Variants in NRG3 observed in about 807,000 individuals in gnomAD.
NRG3 encodes pro-neuregulin-3, membrane-bound isoform.
A neutral mutation model predicts 66.9 loss-of-function variants in NRG3; 31 were observed. That is an observed-to-expected ratio of 0.46 (90% CI 0.35 to 0.63). The LOEUF (loss-of-function observed/expected upper bound fraction) is 0.63, where lower values mean the gene tolerates loss of function less well. Ranked by LOEUF, NRG3 falls within the 20% of genes least tolerant of loss-of-function variation. NRG3 has a pLI of 0.00. For synonymous variants in NRG3, 393 were observed against 359.4 expected, an observed-to-expected ratio of 1.09 and a Z score of -1.06; for missense variants, 910 against 878.9, an observed-to-expected ratio of 1.04 and a Z score of -0.45.
chr10:82,694,031 G>C lies in NRG3; in HGVS notation c.954-44546G>C, dbSNP rs1002935607. On this transcript the variant is annotated intron_variant, in intron 2 of 8. Transcript: ENST00000372141. Reference sequence around the variant, plus strand: ...TGATTAGTCCATTTTACAGAGTGCTGATTGGTGCATTTTTACAGAGTGCTG... The same window carrying C: ...TGATTAGTCCATTTTACAGAGTGCTCATTGGTGCATTTTTACAGAGTGCTG... Among the ~76,000 whole-genome samples the C allele has an allele frequency of 5.9e-5, 9 of 152,184 alleles. No homozygotes were observed. The East Asian group carries it at 1.5e-3, about 26-fold the overall frequency.
At chr10:82,528,268 G>A (rs1051094390) in intron 2 of NRG3, among the ~76,000 whole-genome samples, 61 of 152,110 alleles carry the variant, frequency 4.0e-4, no homozygotes, top group Non-Finnish European at 3.4e-4. Flanking sequence ...TAAATATATA[G>A]AGGTACGCTA....
chr10:82,577,614 A>T (rs1414033186), intron 2 of NRG3, among the ~76,000 whole-genome samples: 2 of 151,734 alleles, frequency 1.3e-5, no homozygotes, highest in Non-Finnish European at 3.0e-5. Context: ...GTTTTGTTGC[A>T]CTAGCTTAAA....
chr10:82,398,224 A>G (rs1451020556), intron 2 of NRG3, among the ~76,000 whole-genome samples: 2 of 152,162 alleles, frequency 1.3e-5, no homozygotes, highest in Non-Finnish European at 2.9e-5. Flanking sequence ...TGAAAGAGCT[A>G]GACTATGGGG....
At chr10:81,953,720 G>C in intron 1 of NRG3, among the ~76,000 whole-genome samples, 1 of 152,124 alleles carries the variant, frequency 6.6e-6, no homozygotes, top group East Asian at 1.9e-4. Flanking sequence ...TGGTCATCAG[G>C]ATCTGAAAAT....
intron 1 of NRG3, among the ~76,000 whole-genome samples, chr10:81,992,383 C>T (rs2060776427): frequency 6.6e-6 from 1 of 152,052 alleles, no homozygotes; most frequent in Non-Finnish European, 1.5e-5. Context: ...ACTATATCTG[C>T]CCTTGCTCAT....
chr10:82,737,232 A>G (rs1457373808), intron 2 of NRG3, among the ~76,000 whole-genome samples: 2 of 152,200 alleles, frequency 1.3e-5, no homozygotes, highest in Non-Finnish European at 2.9e-5. Context: ...TCAGTCTACA[A>G]GGAAAATTGC....
chr10:82,981,029 G>T (rs1457678297), intron 8 of NRG3, among the ~76,000 whole-genome samples: 1 of 152,124 alleles, frequency 6.6e-6, no homozygotes, highest in Non-Finnish European at 1.5e-5. Context: ...TTTGTGAGTG[G>T]ACAAAAAACC....
At chr10:82,623,920 C>T (rs553581739) in intron 2 of NRG3, among the ~76,000 whole-genome samples, 2 of 152,042 alleles carry the variant, frequency 1.3e-5, no homozygotes, top group South Asian at 4.1e-4. Context: ...GGGAAGGGAC[C>T]CCAGAATGCT....
intron 6 of NRG3, among the ~76,000 whole-genome samples, chr10:82,962,478 G>A (rs1362714448): frequency 6.6e-6 from 1 of 152,036 alleles, no homozygotes; most frequent in African/African-American, 2.4e-5. Flanking sequence ...TAAGTTTATG[G>A]GGGAGGTAAC....
At chr10:82,685,097 A>T (rs1392271699) in intron 2 of NRG3, among the ~76,000 whole-genome samples, 2 of 152,116 alleles carry the variant, frequency 1.3e-5, no homozygotes, top group Non-Finnish European at 2.9e-5. Context: ...AATATGAAAA[A>T]TGAACAAGCA....
intron 2 of NRG3, among the ~76,000 whole-genome samples, chr10:82,721,467 G>T (rs1300765217): frequency 6.7e-6 from 1 of 149,944 alleles, no homozygotes; most frequent in Non-Finnish European, 1.5e-5. Flanking sequence ...TTGTCGCCCA[G>T]GCTGGAGTGC....
chr10:82,552,423 A>G (rs2044372635), intron 2 of NRG3, among the ~76,000 whole-genome samples: 1 of 152,170 alleles, frequency 6.6e-6, no homozygotes, highest in African/African-American at 2.4e-5. Flanking sequence ...TGTGGAAGCT[A>G]AAATTGTCTC....
rs534429347 is a variant in NRG3 at position 82,703,812 on chromosome 10, T to A, written c.954-34765T>A. ...TTAGGACCACAAGAGACCTTCTTTT[T>A]GGTCCTGGTTAGGATCTGAACATCA... is the stretch of plus-strand genomic sequence containing the variant. On this transcript the variant is annotated intron_variant, in intron 2 of 8. Transcript: ENST00000372141. 6.6e-5 allele frequency among the ~76,000 whole-genome samples: 10 copies of A among 152,286 alleles called. No individual in the cohort carries two copies. In the South Asian group the frequency reaches 1.5e-3, roughly 22 times the overall value.
At chr10:82,900,959 A>C (rs1844161021) in intron 4 of NRG3, among the ~76,000 whole-genome samples, 1 of 152,194 alleles carries the variant, frequency 6.6e-6, no homozygotes, top group Non-Finnish European at 1.5e-5. Flanking sequence ...CTCAGATCTA[A>C]AATTCAGAGA....
intron 1 of NRG3, among the ~76,000 whole-genome samples, chr10:82,253,667 A>C (rs547851807): frequency 6.6e-5 from 10 of 152,338 alleles, no homozygotes; most frequent in Middle Eastern, 3.4e-3. Context: ...CTATTCATTC[A>C]CCACACATAA....
chr10:81,910,668 G>A (rs1166046832), intron 1 of NRG3, among the ~76,000 whole-genome samples: 1 of 152,070 alleles, frequency 6.6e-6, no homozygotes, highest in East Asian at 1.9e-4. Flanking sequence ...ATTTTCTAGA[G>A]ATAGTGTCTT....
intron 1 of NRG3, among the ~76,000 whole-genome samples, chr10:82,183,586 A>G (rs630499): frequency 0.5 from 75,896 of 151,858 alleles, 20,789 homozygotes; most frequent in Middle Eastern, 0.66. Flanking sequence ...AAGAATACAG[A>G]AGATCAAACA....
intron 1 of NRG3, among the ~76,000 whole-genome samples, chr10:82,249,380 C>T (rs1035137807): frequency 2.0e-5 from 3 of 152,178 alleles, no homozygotes; most frequent in African/African-American, 7.2e-5. Context: ...GCACCGGCCA[C>T]TACCCCAGTT....
chr10:82,907,037 A>G (rs1844797702), intron 4 of NRG3, among the ~76,000 whole-genome samples: 1 of 152,210 alleles, frequency 6.6e-6, no homozygotes, highest in Non-Finnish European at 1.5e-5. Flanking sequence ...TGCAGTCAAT[A>G]CAAACTGATT....
Sources: gnomAD v4.1 joint callset for allele counts (sites outside exome capture counted in the v4.1 genomes callset) on GRCh38, gnomAD v4.1.1 for gene constraint, MANE v1.5 for transcripts, NCBI Gene and HGNC (gene_info 2026-07-23, HGNC 2026-07-21) for gene names.